The following VPS35L variants were observed in gnomAD, a reference collection of about 807,000 sequenced individuals.
VPS35L encodes the protein VPS35 endosomal protein sorting factor like.
In VPS35L, 83 loss-of-function variants were observed where a neutral mutation model predicts 133.0. That is an observed-to-expected ratio of 0.62 (90% CI 0.52 to 0.75). The LOEUF (loss-of-function observed/expected upper bound fraction) is 0.75, where lower values mean the gene tolerates loss of function less well. Among genes scored for constraint, VPS35L ranks in the 30% least tolerant of loss-of-function variants. VPS35L has a pLI of 0.00. For synonymous variants in VPS35L, 423 were observed against 449.9 expected (o/e 0.94, Z 0.76); for missense variants, 1,083 against 1,206.8 (o/e 0.90, Z 1.52).
chr16:19,557,910 G>T lies in VPS35L; in HGVS notation c.17+2164G>T, dbSNP rs1970912332. ...CCACAAAAATACAAAAAGTAGCCAGGCATGACGGCAGGTTCCTGTAATCCC... is the reference window on the plus strand; with the variant it reads ...CCACAAAAATACAAAAAGTAGCCAGTCATGACGGCAGGTTCCTGTAATCCC... On this transcript the variant is annotated intron_variant, in intron 1 of 30. Coordinates refer to ENST00000417362, the MANE Select transcript of VPS35L (RefSeq NM_020314.7). 2.0e-5 allele frequency among the ~76,000 whole-genome samples: 3 copies of T among 152,100 alleles called. No individual in the cohort carries two copies. The South Asian group carries it at 6.2e-4, about 32-fold the overall frequency.
At chr16:19,659,947 T>A (rs1974424560) in intron 26 of VPS35L, among the ~76,000 whole-genome samples, 1 of 152,194 alleles carries the variant, frequency 6.6e-6, no homozygotes, top group Admixed American at 6.5e-5. Context: ...GAGAGAGTGA[T>A]GATTTTTATA....
At chr16:19,598,384 A>G (rs1023626334) in intron 8 of VPS35L, among the ~76,000 whole-genome samples, 3 of 152,248 alleles carry the variant, frequency 2.0e-5, no homozygotes, top group African/African-American at 7.2e-5. Context: ...CAAGACAGGA[A>G]ATAAATCTAG....
At chr16:19,565,873 G>C (rs960449063) in intron 2 of VPS35L, among the ~76,000 whole-genome samples, 1 of 152,176 alleles carries the variant, frequency 6.6e-6, no homozygotes, top group Non-Finnish European at 1.5e-5. Flanking sequence ...GTGCTGTCCT[G>C]AATAGCATCT....
intron 23 of VPS35L, among the ~76,000 whole-genome samples, chr16:19,645,617 C>A (rs955001856): frequency 1.3e-5 from 2 of 152,138 alleles, no homozygotes; most frequent in South Asian, 2.1e-4. Flanking sequence ...CTGGGCTCTG[C>A]CCTGTTGGCC....
chr16:19,574,972 A>T, intron 4 of VPS35L, 126 bp from the exon 5 acceptor site: 1 of 780,776 alleles, frequency 1.3e-6, no homozygotes, highest in Non-Finnish European at 2.0e-6. Context: ...AGTGGTTTTT[A>T]GTGACTGTAT....
chr16:19,654,320 T>C (rs1180913625), intron 26 of VPS35L, among the ~76,000 whole-genome samples: 1 of 152,010 alleles, frequency 6.6e-6, no homozygotes, highest in African/African-American at 2.4e-5. Flanking sequence ...TACTTGCTTA[T>C]TGTCTCTGAT....
chr16:19,581,727 A>G (rs1239513244), intron 7 of VPS35L, 74 bp downstream of exon 7: 19 of 1,543,036 alleles, frequency 1.2e-5, no homozygotes, highest in Non-Finnish European at 1.7e-5. Context: ...TAGAGTTTTC[A>G]GGGGCCTACC....
chr16:19,682,484 T>A, intron 28 of VPS35L, 94 bp downstream of exon 28: 1 of 1,367,264 alleles, frequency 7.3e-7, no homozygotes, highest in Non-Finnish European at 9.9e-7. Flanking sequence ...TTTCCTCCCT[T>A]GTATTTTAGC....
At chr16:19,626,383 T>C (rs1973262387) in intron 15 of VPS35L, among the ~76,000 whole-genome samples, 160 bp downstream of exon 15, 1 of 152,172 alleles carries the variant, frequency 6.6e-6, no homozygotes, top group African/African-American at 2.4e-5. Flanking sequence ...AGACCTTGGC[T>C]CTGTTCTGTC....
At chr16:19,637,794 A>G in intron 20 of VPS35L, 138 bp downstream of exon 20, 1 of 531,208 alleles carries the variant, frequency 1.9e-6, no homozygotes. Context: ...AAGTCTGATC[A>G]ACTTAAGTAT....
chr16:19,608,485 A>T (rs1035544982), intron 10 of VPS35L: 5 of 525,078 alleles, frequency 9.5e-6, no homozygotes, highest in Non-Finnish European at 1.7e-5. Flanking sequence ...TTTACTTTGA[A>T]TACGATGCCA....
Position 19,676,233 on chromosome 16 carries a change from CAA to C in VPS35L, c.2362-5991_2362-5990del, listed in dbSNP as rs369647632. On this transcript the variant is annotated intron_variant, in intron 27 of 30. Transcript: ENST00000417362. ...TGCCATTGCACTCCAGCCTGGGTGA[CAA>C]GAGCAAAACTCCGACTCAAAAAACA... Among the ~76,000 whole-genome samples the C allele has an allele frequency of 8.1e-3, 1,237 of 152,242 alleles. 21 individuals carry two copies. Among genetic ancestry groups the C allele is most frequent in the African/African-American group, 0.028 (1,168 of 41,552 alleles).
intron 29 of VPS35L, among the ~76,000 whole-genome samples, chr16:19,698,742 C>T (rs1976006642): frequency 6.6e-6 from 1 of 152,126 alleles, no homozygotes; most frequent in Non-Finnish European, 1.5e-5. Flanking sequence ...CTGCCGTGGC[C>T]CCATGGGCTT....
At chr16:19,610,785 T>C (rs1972691536) in intron 12 of VPS35L, among the ~76,000 whole-genome samples, 1 of 152,106 alleles carries the variant, frequency 6.6e-6, no homozygotes, top group African/African-American at 2.4e-5. Flanking sequence ...TTGACTTTGA[T>C]TGCTTTATTA....
intron 28 of VPS35L, among the ~76,000 whole-genome samples, chr16:19,684,877 C>T (rs1975403987): frequency 6.6e-6 from 1 of 151,920 alleles, no homozygotes; most frequent in African/African-American, 2.4e-5. Flanking sequence ...ACCAACATGG[C>T]GAAACCTCAT....
chr16:19,556,422 G>A (rs1970858824), intron 1 of VPS35L, among the ~76,000 whole-genome samples: 1 of 152,204 alleles, frequency 6.6e-6, no homozygotes, highest in Non-Finnish European at 1.5e-5. Flanking sequence ...AGGGCGTGGC[G>A]TGTGCCTGGT....
intron 5 of VPS35L, among the ~76,000 whole-genome samples, chr16:19,575,869 T>C (rs1971516909): frequency 7.9e-6 from 1 of 126,004 alleles, no homozygotes; most frequent in Non-Finnish European, 1.7e-5. Flanking sequence ...AAAATATATA[T>C]ATATGGCCTG....
intron 7 of VPS35L, among the ~76,000 whole-genome samples, chr16:19,588,177 A>ATGTATGTG: frequency 6.7e-6 from 1 of 149,600 alleles, no homozygotes; most frequent in African/African-American, 2.5e-5. Flanking sequence ...GTATGTATGT[A>ATGTATGTG]TGTATGTATG....
At chr16:19,643,346 T>G (rs1973843027) in intron 22 of VPS35L, among the ~76,000 whole-genome samples, 1 of 152,234 alleles carries the variant, frequency 6.6e-6, no homozygotes, top group Admixed American at 6.5e-5. Flanking sequence ...GATTTCTCTC[T>G]TGTTAAAATT....
Sources: allele counts gnomAD v4.1 joint callset (sites outside exome capture counted in the v4.1 genomes callset), GRCh38; gene constraint gnomAD v4.1.1; transcripts MANE v1.5; gene names NCBI Gene and HGNC (gene_info 2026-07-23, HGNC 2026-07-21).